The following ADCY1 variants were observed in gnomAD, a reference collection of about 807,000 sequenced individuals.
ADCY1 encodes adenylate cyclase 1, also known as adenylate cyclase type 1.
Under a neutral mutation model 105.4 loss-of-function variants are expected in ADCY1, and 28 were observed. The ratio of observed to expected loss-of-function variants is 0.27; its 90% CI spans 0.20 to 0.36. ADCY1 has a LOEUF of 0.36. Ranked by LOEUF, ADCY1 falls within the 10% of genes least tolerant of loss-of-function variation. The pLI is 1.00. For synonymous variants in ADCY1, 655 were observed against 623.8 expected (o/e 1.05, Z -0.75); for missense variants, 977 against 1,434.2 (o/e 0.68, Z 5.15).
rs904928760 is a variant in ADCY1 at position 45,714,299 on chromosome 7, C to A, written c.*304C>A. ...GGGAGCACTGTTTCTTTCCAGCAAG[C>A]CTGTTCAGGTTTGGCCAGGTCGGCA... On this transcript the variant is annotated 3_prime_UTR_variant, in exon 20 of 20. Transcript: ENST00000297323. 1.4e-5 allele frequency: 6 copies of A among 421,800 alleles called. 1 individual carries two copies. In the South Asian group the frequency reaches 2.5e-4, roughly 17 times the overall value. The allele number at this position is 421,800 out of a possible 1,614,324, so 26.1% of individuals were successfully genotyped here. A position where few individuals can be genotyped will look rare whatever the true frequency, so the allele number is the denominator to read the frequency against.
At position 45,721,696 on chromosome 7, in the gene ADCY1, G is replaced by T. The variant is rs1785475809; in HGVS notation, c.*7701G>T. 1 of 398,616 alleles carries T rather than the reference G, an allele frequency of 2.5e-6. No individual in the cohort carries two copies. Among genetic ancestry groups the T allele is most frequent in the Non-Finnish European group, 4.4e-6 (1 of 226,116 alleles). The allele number at this position is 398,616 out of a possible 1,614,324, so 24.7% of individuals were successfully genotyped here. ...AAGGTGGGTCCGGGTGCCTTCCCAG[G>T]GGTTAGAGGATGTTCAAAGGGCCGA... is the stretch of plus-strand genomic sequence containing the variant. On this transcript the variant is annotated 3_prime_UTR_variant, in exon 20 of 20. Transcript: ENST00000297323.
At chr7:45,676,107 C>G (rs901750467) in intron 8 of ADCY1, among the ~76,000 whole-genome samples, 5 of 151,122 alleles carry the variant, frequency 3.3e-5, no homozygotes, top group African/African-American at 1.2e-4. Context: ...TTCTGTGACT[C>G]TGTCTTCTAG....
chr7:45,610,315 G>A, intron 2 of ADCY1, 64 bp from the exon 3 acceptor site: 1 of 1,442,556 alleles, frequency 6.9e-7, no homozygotes. Context: ...TGGGGAGGGT[G>A]AGGTGAGGAG....
chr7:45,699,340 A>G (rs1189354956), intron 14 of ADCY1, among the ~76,000 whole-genome samples: 1 of 152,232 alleles, frequency 6.6e-6, no homozygotes, highest in African/African-American at 2.4e-5. Context: ...TATGTTGTCC[A>G]GCGGCTTGAG....
chr7:45,691,903 C>T (rs962123228), intron 14 of ADCY1, among the ~76,000 whole-genome samples: 17 of 152,200 alleles, frequency 1.1e-4, no homozygotes, highest in African/African-American at 3.1e-4. Flanking sequence ...TGACACTTGT[C>T]TCTCAGGGGG....
chr7:45,701,930 C>G lies in ADCY1; in HGVS notation c.2455-1446C>G, dbSNP rs111878783. 1.0e-3 allele frequency among the ~76,000 whole-genome samples: 159 copies of G among 152,276 alleles called. 2 individuals carry two copies. Among genetic ancestry groups the G allele is most frequent in the Admixed American group, 7.3e-3 (112 of 15,296 alleles). On this transcript the variant is annotated intron_variant, in intron 14 of 19. Coordinates refer to ENST00000297323, the MANE Select transcript of ADCY1 (RefSeq NM_021116.4). ...TCCTCATCTGCTTCTGGTCTACGCT[C>G]CTTAAGGGACAGGAAGAAACACCTG...
chr7:45,613,518 A>T (rs1793647802), intron 3 of ADCY1, among the ~76,000 whole-genome samples: 1 of 152,196 alleles, frequency 6.6e-6, no homozygotes. Context: ...ACAGAACCAG[A>T]TTGTACACAC....
intron 14 of ADCY1, among the ~76,000 whole-genome samples, chr7:45,699,162 C>G (rs1027383575): frequency 1.3e-5 from 2 of 152,150 alleles, no homozygotes; most frequent in African/African-American, 4.8e-5. Context: ...AGAGAGGGAC[C>G]TTCAAACCAG....
intron 4 of ADCY1, among the ~76,000 whole-genome samples, chr7:45,627,320 G>A (rs752474730): frequency 9.2e-5 from 14 of 152,158 alleles, no homozygotes; most frequent in Non-Finnish European, 1.8e-4. Flanking sequence ...CTTTTCTCTA[G>A]GTCTCTGCCC....
rs949434734 is a variant in ADCY1, at chr7:45,591,589, C to A, written c.640-1170C>A. On this transcript the variant is annotated intron_variant, in intron 1 of 19. Transcript: ENST00000297323. The surrounding 1 kb of genome is among the most constrained non-coding windows in gnomAD (Gnocchi z 4.1). ...CTGGGCTTAATCAGACATAGAAATTCTCCAATTTTGCGAGTGACCAAGGGA... is the reference window on the plus strand; with the variant it reads ...CTGGGCTTAATCAGACATAGAAATTATCCAATTTTGCGAGTGACCAAGGGA... Among the ~76,000 whole-genome samples, 3 of 152,248 alleles carry A rather than the reference C, an allele frequency of 2.0e-5. No homozygotes were observed. Among genetic ancestry groups the A allele is most frequent in the Admixed American group, 1.3e-4 (2 of 15,282 alleles).
At chr7:45,585,345 A>G (rs116418024) in intron 1 of ADCY1, among the ~76,000 whole-genome samples, 2 of 152,118 alleles carry the variant, frequency 1.3e-5, no homozygotes, top group Admixed American at 6.5e-5. Context: ...AAAAATCTGT[A>G]CTTGCAGACA....
intron 2 of ADCY1, among the ~76,000 whole-genome samples, chr7:45,603,676 C>G (rs1207405701): frequency 6.6e-6 from 1 of 152,104 alleles, no homozygotes; most frequent in Non-Finnish European, 1.5e-5. Context: ...CCCTCATGTT[C>G]CCTTTAAATA....
rs757687132 is a variant in ADCY1 at position 45,622,650 on chromosome 7, C to T, written c.927C>T (p.Ile309=). The change falls in exon 4 of 20, where the codon ATC becomes ATT. Residue 309 remains isoleucine (I), a synonymous_variant. Coordinates refer to ENST00000297323, the MANE Select transcript of ADCY1 (RefSeq NM_021116.4). ...HDNVSILFAD[I]VGFTGLASQC... Reference sequence around the variant, plus strand: ...CTTGCAGCATCCTGTTTGCTGACATCGTGGGTTTCACGGGCTTGGCATCCC... The same window carrying T: ...CTTGCAGCATCCTGTTTGCTGACATTGTGGGTTTCACGGGCTTGGCATCCC... The T allele has an allele frequency of 4.3e-6, 7 of 1,614,018 alleles. No homozygotes were observed. The highest frequency in any genetic ancestry group is 8.5e-7 in the Non-Finnish European group (1 of 1,180,000).
At chr7:45,622,787 T>C (rs754144005) in intron 4 of ADCY1, 44 bp downstream of exon 4, 2 of 1,504,762 alleles carry the variant, frequency 1.3e-6, no homozygotes, top group Non-Finnish European at 1.8e-6. Flanking sequence ...TTAGAATTGC[T>C]TCTGGAGTGA....
At chr7:45,581,492 G>A (rs189164930) in intron 1 of ADCY1, among the ~76,000 whole-genome samples, 59 of 152,306 alleles carry the variant, frequency 3.9e-4, no homozygotes, top group African/African-American at 1.2e-3. Flanking sequence ...AGCCCCAGTC[G>A]GAGGTGGCCA....
At chr7:45,576,185 T>G (rs1792339925) in intron 1 of ADCY1, among the ~76,000 whole-genome samples, 1 of 151,978 alleles carries the variant, frequency 6.6e-6, no homozygotes. Context: ...GGGAGCAAAC[T>G]GGGGAGAGGT....
chr7:45,703,228 G>A lies in ADCY1; in HGVS notation c.2455-148G>A. ...TACCCAGTAACATGGATCTAGTCTT[G>A]CATCTAGTGGGGAGGAGGGACAGGA... On this transcript the variant is annotated intron_variant, in intron 14 of 19. Coordinates refer to ENST00000297323, the MANE Select transcript of ADCY1 (RefSeq NM_021116.4). This position sits in a 1 kb window ranked among gnomAD's most constrained non-coding sequence, Gnocchi z 5.9. 1 of 748,038 alleles carries A rather than the reference G, an allele frequency of 1.3e-6. No homozygotes were observed. The highest frequency in any genetic ancestry group is 2.4e-6 in the Non-Finnish European group (1 of 414,992). The allele number at this position is 748,038 out of a possible 1,614,324, so 46.3% of individuals were successfully genotyped here. A position where few individuals can be genotyped will look rare whatever the true frequency, so the allele number is the denominator to read the frequency against.
chr7:45,621,781 A>G (rs540087668), intron 3 of ADCY1, among the ~76,000 whole-genome samples: 2 of 152,196 alleles, frequency 1.3e-5, no homozygotes, highest in Non-Finnish European at 2.9e-5. Context: ...GGAAGCCTCA[A>G]AGTTAGAGAA....
intron 1 of ADCY1, among the ~76,000 whole-genome samples, chr7:45,576,648 C>G (rs1170975262): frequency 6.6e-6 from 1 of 152,088 alleles, no homozygotes; most frequent in Non-Finnish European, 1.5e-5. Context: ...AGCACGTGGG[C>G]CTTGCCTTAT....
Sources: gnomAD v4.1 joint callset for allele counts (sites outside exome capture counted in the v4.1 genomes callset) on GRCh38, gnomAD v4.1.1 for gene constraint, Gnocchi (gnomAD v3.1) non-coding constraint, MANE v1.5 for transcripts, NCBI Gene and HGNC (gene_info 2026-07-23, HGNC 2026-07-21) for gene names.